Variants in MARCHF1 observed in about 807,000 individuals in gnomAD.
MARCHF1 encodes the protein E3 ubiquitin-protein ligase MARCHF1.
Under a neutral mutation model 54.2 loss-of-function variants are expected in MARCHF1, and 40 were observed. The ratio of observed to expected loss-of-function variants is 0.74; its 90% CI spans 0.57 to 0.96. The LOEUF (loss-of-function observed/expected upper bound fraction) is 0.96. Among genes scored for constraint, MARCHF1 ranks in the 40% least tolerant of loss-of-function variants. MARCHF1 has a pLI of 0.00. For missense variants in MARCHF1, 586 were observed against 656.5 expected (o/e 0.89, Z 1.17); for synonymous variants, 236 against 236.3 (o/e 1.00, Z 0.01).
At chr4:163,972,445 T>C (rs1016881540) in intron 3 of MARCHF1, among the ~76,000 whole-genome samples, 14 of 152,234 alleles carry the variant, frequency 9.2e-5, no homozygotes, top group African/African-American at 3.1e-4. Flanking sequence ...TTAGAAATTG[T>C]TCAAGTTTAA....
chr4:164,025,701 T>TAA (rs201500031), intron 2 of MARCHF1, among the ~76,000 whole-genome samples: 5 of 133,940 alleles, frequency 3.7e-5, no homozygotes, highest in East Asian at 2.1e-4. Flanking sequence ...CCCAAAGCTA[T>TAA]AAAAAAAAAA....
intron 4 of MARCHF1, among the ~76,000 whole-genome samples, chr4:163,846,639 A>T (rs1233758699): frequency 6.6e-6 from 1 of 152,162 alleles, no homozygotes; most frequent in Non-Finnish European, 1.5e-5. Context: ...GTATAACAGA[A>T]GTAATTTTGT....
At chr4:164,185,996 G>A (rs1333492716) in intron 1 of MARCHF1, among the ~76,000 whole-genome samples, 1 of 152,170 alleles carries the variant, frequency 6.6e-6, no homozygotes, top group Non-Finnish European at 1.5e-5. Flanking sequence ...GGGTTCAAGT[G>A]ATTCTCCTGC....
At chr4:164,043,036 G>A (rs1054670965) in intron 2 of MARCHF1, among the ~76,000 whole-genome samples, 2 of 152,224 alleles carry the variant, frequency 1.3e-5, no homozygotes, top group Non-Finnish European at 2.9e-5. Flanking sequence ...CAGCCCCTGT[G>A]GCTGCTTTCA....
At chr4:164,000,697 A>G (rs1306837087) in intron 2 of MARCHF1, among the ~76,000 whole-genome samples, 2 of 151,760 alleles carry the variant, frequency 1.3e-5, no homozygotes, top group Non-Finnish European at 3.0e-5. Context: ...CTTATTCCAT[A>G]CAATGGATAA....
chr4:164,014,190 C>CAAA lies in MARCHF1; in HGVS notation c.-247-25484_-247-25482dup, dbSNP rs70948689. ...CTGGAGACAGAGTGAGACTGCATCT[C>CAAA]AAAAAAAAAAAAAAAGTAAAGAGAG... On this transcript the variant is annotated intron_variant, in intron 2 of 9. Transcript: ENST00000514618. 6.6e-3 allele frequency among the ~76,000 whole-genome samples: 745 copies of CAAA among 113,198 alleles called. 5 individuals carry two copies. Among genetic ancestry groups the CAAA allele is most frequent in the South Asian group, 0.014 (49 of 3,474 alleles). The allele number at this position is 113,198 out of a possible 152,430, so 74.3% of individuals were successfully genotyped here. A position where few individuals can be genotyped will look rare whatever the true frequency, so the allele number is the denominator to read the frequency against.
At chr4:164,140,582 T>C (rs995413) in intron 1 of MARCHF1, among the ~76,000 whole-genome samples, 127,473 of 152,016 alleles carry the variant, frequency 0.84, 53,951 homozygotes, top group Non-Finnish European at 0.89. Context: ...CTATATAAAC[T>C]CCTAATTGTA....
intron 4 of MARCHF1, among the ~76,000 whole-genome samples, chr4:163,757,624 C>A (rs1380358628): frequency 1.3e-5 from 2 of 151,956 alleles, no homozygotes; most frequent in Non-Finnish European, 2.9e-5. Flanking sequence ...AAAAATAGTT[C>A]TTTGAAAAAA....
At chr4:163,996,180 T>A (rs1753072582) in intron 2 of MARCHF1, among the ~76,000 whole-genome samples, 3 of 151,976 alleles carry the variant, frequency 2.0e-5, no homozygotes, top group Admixed American at 6.6e-5. Flanking sequence ...ATCACAGGTA[T>A]AATTAATCTA....
chr4:164,270,258 A>G (rs1046522634), intron 1 of MARCHF1, among the ~76,000 whole-genome samples: 1 of 152,144 alleles, frequency 6.6e-6, no homozygotes, highest in African/African-American at 2.4e-5. Flanking sequence ...TCTCCCATAT[A>G]AACATAGAGA....
At chr4:163,899,726 C>G (rs1750895801) in intron 3 of MARCHF1, among the ~76,000 whole-genome samples, 1 of 150,230 alleles carries the variant, frequency 6.7e-6, no homozygotes. Flanking sequence ...ATAGCCCAAA[C>G]AACGTAACAT....
intron 2 of MARCHF1, among the ~76,000 whole-genome samples, chr4:164,010,191 C>T (rs978325243): frequency 2.7e-5 from 4 of 150,734 alleles, no homozygotes; most frequent in African/African-American, 9.8e-5. Context: ...CTCAGCCTCC[C>T]AAGTAGCTGG....
At chr4:163,757,422 A>G (rs1746709000) in intron 4 of MARCHF1, among the ~76,000 whole-genome samples, 2 of 152,234 alleles carry the variant, frequency 1.3e-5, no homozygotes, top group South Asian at 2.1e-4. Flanking sequence ...AACATTAGCA[A>G]TACTGATTGG....
At chr4:164,033,214 C>T (rs1753916319) in intron 2 of MARCHF1, among the ~76,000 whole-genome samples, 1 of 151,320 alleles carries the variant, frequency 6.6e-6, no homozygotes, top group Admixed American at 6.6e-5. Context: ...GGAAAACCGG[C>T]TAGCCATTTG....
chr4:163,656,989 T>C (rs971802334), intron 5 of MARCHF1, among the ~76,000 whole-genome samples: 3 of 151,934 alleles, frequency 2.0e-5, no homozygotes, highest in South Asian at 2.1e-4. Context: ...CATTTGAAAA[T>C]TGGCACAAGA....
Position 164,276,963 on chromosome 4 carries a change from GAGAGAC to G in MARCHF1, c.-323+106901_-323+106906del, listed in dbSNP as rs1376032909. Reference sequence around the variant, plus strand: ...ATATATATATAGAGAGAGAGAGAGAGAGAGACAGAGAGAGAGAGAAAATATATGAGG... The same window carrying G: ...ATATATATATAGAGAGAGAGAGAGAGAGAGAGAGAGAGAAAATATATGAGG... On this transcript the variant is annotated intron_variant, in intron 1 of 9. Transcript: ENST00000514618. Among the ~76,000 whole-genome samples the G allele has an allele frequency of 3.2e-3, 417 of 132,380 alleles. 3 individuals carry two copies. The highest frequency in any genetic ancestry group is 7.1e-3 in the African/African-American group (263 of 36,824). 86.8% of individuals were successfully genotyped at this position (132,380 alleles called of 152,430 possible).
chr4:164,209,134 A>G (rs1249089957), intron 1 of MARCHF1, among the ~76,000 whole-genome samples: 3 of 152,058 alleles, frequency 2.0e-5, no homozygotes, highest in Non-Finnish European at 4.4e-5. Flanking sequence ...TTGCATTAAC[A>G]TTAGTTAAAA....
chr4:164,129,277 A>T (rs527309241), intron 1 of MARCHF1, among the ~76,000 whole-genome samples: 1 of 152,254 alleles, frequency 6.6e-6, no homozygotes, highest in Non-Finnish European at 1.5e-5. Context: ...CGGAAATATG[A>T]TCTCATAATT....
chr4:163,679,863 G>A (rs1744043931), intron 5 of MARCHF1, among the ~76,000 whole-genome samples: 1 of 151,914 alleles, frequency 6.6e-6, no homozygotes, highest in Non-Finnish European at 1.5e-5. Context: ...GCCTCCCAAA[G>A]TGCTGGGATT....
Sources: allele counts gnomAD v4.1 joint callset (sites outside exome capture counted in the v4.1 genomes callset), GRCh38; gene constraint gnomAD v4.1.1; transcripts MANE v1.5; gene names NCBI Gene and HGNC (gene_info 2026-07-23, HGNC 2026-07-21).